The following KCNQ5 variants were observed in gnomAD, a reference collection of about 807,000 sequenced individuals.
KCNQ5 encodes the protein potassium voltage-gated channel subfamily KQT member 5.
A neutral mutation model predicts 98.2 loss-of-function variants in KCNQ5; 30 were observed. The observed-to-expected ratio is 0.31, with a 90% CI of 0.23 to 0.41. KCNQ5 has a LOEUF of 0.41. KCNQ5 is among the 10% of genes least tolerant of loss of function. The probability of loss-of-function intolerance (pLI) is 1.00; values close to 1 mark genes in which losing one functional copy is unlikely to be tolerated. For synonymous variants in KCNQ5, 458 were observed against 449.4 expected (o/e 1.02, Z -0.24); for missense variants, 835 against 1,182.5 (o/e 0.71, Z 4.31).
chr6:72,894,750 C>A (rs954847214), intron 1 of KCNQ5, among the ~76,000 whole-genome samples: 2 of 152,064 alleles, frequency 1.3e-5, no homozygotes, highest in Non-Finnish European at 2.9e-5. Flanking sequence ...GAAAATTTGC[C>A]TTACATAGAG....
intron 1 of KCNQ5, among the ~76,000 whole-genome samples, chr6:72,631,177 G>A (rs543006787): frequency 6.6e-6 from 1 of 152,330 alleles, no homozygotes; most frequent in South Asian, 2.1e-4. Flanking sequence ...GGAACAACAG[G>A]TTGGCGAATT....
chr6:72,681,150 G>A (rs1248854758), intron 1 of KCNQ5, among the ~76,000 whole-genome samples: 1 of 152,220 alleles, frequency 6.6e-6, no homozygotes, highest in Non-Finnish European at 1.5e-5. Context: ...AGAGCACGCA[G>A]ATCCTGCATG....
intron 1 of KCNQ5, among the ~76,000 whole-genome samples, chr6:73,002,187 G>T (rs1212334169): frequency 1.3e-5 from 2 of 152,134 alleles, no homozygotes; most frequent in African/African-American, 4.8e-5. Context: ...TCGTGTACTA[G>T]GTTTTTTCAC....
intron 1 of KCNQ5, among the ~76,000 whole-genome samples, chr6:72,698,442 A>T (rs1265491018): frequency 6.6e-6 from 1 of 151,966 alleles, no homozygotes; most frequent in Non-Finnish European, 1.5e-5. Context: ...ACCTCAGATG[A>T]TCCACCTGCT....
chr6:72,771,230 AAAGT>A (rs1772858205), intron 1 of KCNQ5, among the ~76,000 whole-genome samples: 1 of 152,238 alleles, frequency 6.6e-6, no homozygotes, highest in East Asian at 1.9e-4. Context: ...CAGGTCTCAA[AAAGT>A]AAGTAGGCAT....
chr6:72,687,956 A>G (rs1768040486), intron 1 of KCNQ5, among the ~76,000 whole-genome samples: 1 of 150,268 alleles, frequency 6.7e-6, no homozygotes, highest in East Asian at 2.0e-4. Flanking sequence ...CTTCTGCCTC[A>G]GCCTCCCAAG....
chr6:72,852,640 A>AATAT lies in KCNQ5; in HGVS notation c.399-151250_399-151247dup, dbSNP rs140435793. 2.5e-3 allele frequency among the ~76,000 whole-genome samples: 144 copies of AATAT among 56,774 alleles called. 31 individuals carry two copies. Among genetic ancestry groups the AATAT allele is most frequent in the African/African-American group, 8.1e-3 (91 of 11,280 alleles). 37.2% of individuals were successfully genotyped at this position (56,774 alleles called of 152,430 possible). A position where few individuals can be genotyped will look rare whatever the true frequency, so the allele number is the denominator to read the frequency against. On this transcript the variant is annotated intron_variant, in intron 1 of 13. Coordinates refer to ENST00000370398, the MANE Select transcript of KCNQ5 (RefSeq NM_019842.4). ...AGTGGAGAGAAGGAGATGAAGGGGA[A>AATAT]ATATATATATATATATATATAAATG...
chr6:72,960,271 G>C (rs1582091628), intron 1 of KCNQ5, among the ~76,000 whole-genome samples: 1 of 152,186 alleles, frequency 6.6e-6, no homozygotes, highest in Admixed American at 6.5e-5. Context: ...ACTTTACACT[G>C]CCCATGATGT....
At chr6:73,185,049 G>C (rs565745687) in intron 11 of KCNQ5, among the ~76,000 whole-genome samples, 1 of 152,230 alleles carries the variant, frequency 6.6e-6, no homozygotes, top group African/African-American at 2.4e-5. Flanking sequence ...TGCATTCAAG[G>C]TTCTCACACA....
chr6:72,712,810 T>C (rs972075875), intron 1 of KCNQ5, among the ~76,000 whole-genome samples: 6 of 152,062 alleles, frequency 3.9e-5, no homozygotes, highest in African/African-American at 9.7e-5. Flanking sequence ...ATTAACTTCA[T>C]GCATAACCAC....
At chr6:72,947,786 T>C (rs568051745) in intron 1 of KCNQ5, among the ~76,000 whole-genome samples, 128 of 152,272 alleles carry the variant, frequency 8.4e-4, no homozygotes, top group African/African-American at 2.9e-3. Context: ...ATGAGACTTA[T>C]GATTGCAGCC....
intron 1 of KCNQ5, among the ~76,000 whole-genome samples, chr6:72,776,405 T>C (rs764542986): frequency 1.2e-4 from 18 of 152,216 alleles, no homozygotes; most frequent in Non-Finnish European, 2.4e-4. Context: ...TTATGAACAA[T>C]TACTTAGAGA....
intron 1 of KCNQ5, among the ~76,000 whole-genome samples, chr6:72,832,847 G>A (rs2226132): frequency 1.3e-5 from 2 of 151,884 alleles, no homozygotes; most frequent in African/African-American, 4.8e-5. Flanking sequence ...GGAGGAAAAC[G>A]AGGAAAGGGC....
chr6:72,897,908 T>A (rs1225695512), intron 1 of KCNQ5, among the ~76,000 whole-genome samples: 1 of 152,094 alleles, frequency 6.6e-6, no homozygotes, highest in Non-Finnish European at 1.5e-5. Flanking sequence ...AAAAATGAGG[T>A]AGTATCTATT....
intron 1 of KCNQ5, among the ~76,000 whole-genome samples, chr6:72,782,458 G>T (rs1773533712): frequency 6.6e-6 from 1 of 152,150 alleles, no homozygotes; most frequent in South Asian, 2.1e-4. Context: ...CCATTCTCCA[G>T]AAACACAAAT....
chr6:72,628,758 C>T (rs749781782), intron 1 of KCNQ5, among the ~76,000 whole-genome samples: 15 of 151,970 alleles, frequency 9.9e-5, no homozygotes, highest in Non-Finnish European at 2.1e-4. Flanking sequence ...TACAGACGTG[C>T]GCCACCATAC....
chr6:73,055,619 G>A (rs1772449805), intron 3 of KCNQ5: 3 of 1,244,528 alleles, frequency 2.4e-6, no homozygotes, highest in African/African-American at 3.0e-5. Flanking sequence ...GATCAAGGAG[G>A]GGAAATGGGT....
At chr6:73,169,199 C>CT (rs11403313) in intron 10 of KCNQ5, among the ~76,000 whole-genome samples, 112,138 of 152,132 alleles carry the variant, frequency 0.74, 42,470 homozygotes, top group East Asian at 0.89. Flanking sequence ...GTCTGAAAAT[C>CT]GCCCTCAGCT....
intron 1 of KCNQ5, among the ~76,000 whole-genome samples, chr6:72,832,002 A>G (rs913802610): frequency 1.3e-5 from 2 of 152,164 alleles, no homozygotes; most frequent in Non-Finnish European, 2.9e-5. Flanking sequence ...GTAGCATTTA[A>G]TGGAATCAGA....
Sources: allele counts gnomAD v4.1 joint callset (sites outside exome capture counted in the v4.1 genomes callset), GRCh38; gene constraint gnomAD v4.1.1; transcripts MANE v1.5; gene names NCBI Gene and HGNC (gene_info 2026-07-23, HGNC 2026-07-21).